Variants in COL22A1 observed in about 807,000 individuals in gnomAD.
COL22A1 encodes collagen alpha-1(XXII) chain.
A neutral mutation model predicts 248.9 loss-of-function variants in COL22A1; 221 were observed. The observed-to-expected ratio is 0.89, with a 90% CI of 0.80 to 0.99. COL22A1 has a LOEUF of 0.99. Ranked by LOEUF, COL22A1 falls within the 50% of genes least tolerant of loss-of-function variation. The probability of loss-of-function intolerance (pLI) is 0.00; values close to 1 mark genes in which losing one functional copy is unlikely to be tolerated. For missense variants in COL22A1, 2,240 were observed against 2,179.0 expected (o/e 1.03, Z -0.56); for synonymous variants, 891 against 793.4 (o/e 1.12, Z -2.07).
chr8:138,892,503 C>T (rs1825137537), intron 1 of COL22A1, among the ~76,000 whole-genome samples: 1 of 152,170 alleles, frequency 6.6e-6, no homozygotes, highest in Admixed American at 6.5e-5. Flanking sequence ...GGTTGCAGCC[C>T]CAGCAAGCAT....
intron 31 of COL22A1, among the ~76,000 whole-genome samples, chr8:138,700,675 AC>A (rs1827881210): frequency 1.3e-5 from 2 of 151,928 alleles, no homozygotes; most frequent in Admixed American, 1.3e-4. Flanking sequence ...CAGCCTGGCC[AC>A]CCCCACCTAG....
chr8:138,720,362 C>T (rs1829776774), intron 27 of COL22A1, among the ~76,000 whole-genome samples: 1 of 152,140 alleles, frequency 6.6e-6, no homozygotes, highest in Non-Finnish European at 1.5e-5. Context: ...TCCTCTCACT[C>T]CCTCCCTGCC....
chr8:138,836,372 C>G (rs967621297), intron 4 of COL22A1, among the ~76,000 whole-genome samples: 4 of 152,262 alleles, frequency 2.6e-5, no homozygotes, highest in Non-Finnish European at 5.9e-5. Context: ...TGGCCCTGCA[C>G]AGTGTCTGCC....
chr8:138,872,617 C>T (rs975661096), intron 3 of COL22A1, among the ~76,000 whole-genome samples: 2 of 152,198 alleles, frequency 1.3e-5, no homozygotes, highest in East Asian at 1.9e-4. Flanking sequence ...ATAGCTGATG[C>T]TCCGGGGCTG....
At chr8:138,877,513 C>G (rs756043113) in intron 3 of COL22A1, among the ~76,000 whole-genome samples, 1 of 152,168 alleles carries the variant, frequency 6.6e-6, no homozygotes, top group Non-Finnish European at 1.5e-5. Context: ...CGACCTCTGC[C>G]TCTGGATGGG....
Position 138,598,795 on chromosome 8 carries a change from G to A in COL22A1, c.4289C>T (p.Pro1430Leu), listed in dbSNP as rs141513834. ...GHKGHTGLMG[P>L]QGLPGENGPV... Reference sequence around the variant, plus strand: ...TCCATTCTCCCCAGGTAGTCCTTGGGGACCCATCAGGCCTGTGTGGCCTTT... The same window carrying A: ...TCCATTCTCCCCAGGTAGTCCTTGGAGACCCATCAGGCCTGTGTGGCCTTT... The change falls in exon 61 of 65, where the codon CCC becomes CTC. Residue 1430 changes from proline to leucine, a missense_variant. Pro to Leu is a moderately conservative substitution (Grantham distance 98). Coordinates refer to ENST00000303045, the MANE Select transcript of COL22A1 (RefSeq NM_152888.3). The A allele has an allele frequency of 7.5e-5, 121 of 1,614,020 alleles. No individual in the cohort carries two copies. The highest frequency in any genetic ancestry group is 8.7e-5 in the Non-Finnish European group (103 of 1,180,038).
At chr8:138,757,332 G>C (rs895160982) in intron 18 of COL22A1, among the ~76,000 whole-genome samples, 1 of 151,916 alleles carries the variant, frequency 6.6e-6, no homozygotes, top group East Asian at 1.9e-4. Context: ...GTGTGTGGAG[G>C]GAGAGAGAGA....
At chr8:138,780,244 C>T (rs1814841756) in intron 13 of COL22A1, among the ~76,000 whole-genome samples, 1 of 152,190 alleles carries the variant, frequency 6.6e-6, no homozygotes, top group Non-Finnish European at 1.5e-5. Flanking sequence ...TCCCCTTTCT[C>T]CCTTGTCTCC....
At chr8:138,658,853 G>A (rs1279060281) in intron 44 of COL22A1, among the ~76,000 whole-genome samples, 3 of 138,246 alleles carry the variant, frequency 2.2e-5, no homozygotes, top group Non-Finnish European at 4.6e-5. Flanking sequence ...AGTATGTTCA[G>A]TTAATCTAAC....
chr8:138,756,876 A>G (rs1183688518), intron 18 of COL22A1, among the ~76,000 whole-genome samples: 1 of 152,174 alleles, frequency 6.6e-6, no homozygotes, highest in African/African-American at 2.4e-5. Flanking sequence ...CACAGCATCA[A>G]GTGTTTTTCT....
chr8:138,630,401 A>C (rs1018520140), intron 50 of COL22A1, among the ~76,000 whole-genome samples: 3 of 152,184 alleles, frequency 2.0e-5, no homozygotes, highest in Non-Finnish European at 2.9e-5. Flanking sequence ...CAAGAAATTG[A>C]GATATGGGGC....
At chr8:138,866,692 T>A (rs1056522793) in intron 3 of COL22A1, among the ~76,000 whole-genome samples, 1 of 152,252 alleles carries the variant, frequency 6.6e-6, no homozygotes, top group Non-Finnish European at 1.5e-5. Context: ...CAAGGCCCCA[T>A]GGCCAGGCAG....
chr8:138,669,376 G>A (rs1824813873), intron 41 of COL22A1, among the ~76,000 whole-genome samples: 1 of 152,308 alleles, frequency 6.6e-6, no homozygotes, highest in South Asian at 2.1e-4. Context: ...GCCGGTCAGG[G>A]CAGTGTCTGG....
chr8:138,851,653 G>T (rs1399402744), intron 3 of COL22A1, among the ~76,000 whole-genome samples: 1 of 152,176 alleles, frequency 6.6e-6, no homozygotes, highest in Non-Finnish European at 1.5e-5. Context: ...GGAGAGGATG[G>T]GGAGGAGATG....
At chr8:138,732,711 A>G (rs1399907906) in intron 23 of COL22A1, among the ~76,000 whole-genome samples, 1 of 152,270 alleles carries the variant, frequency 6.6e-6, no homozygotes, top group African/African-American at 2.4e-5. Flanking sequence ...TAATGAAAAC[A>G]AGTAATTAAC....
At chr8:138,620,976 T>A (rs1050326684) in intron 52 of COL22A1, among the ~76,000 whole-genome samples, 1 of 119,412 alleles carries the variant, frequency 8.4e-6, no homozygotes, top group Non-Finnish European at 1.9e-5. Flanking sequence ...CATCCATCCA[T>A]CCATCCATCC....
chr8:138,878,339 G>A, intron 2 of COL22A1, 23 bp from the exon 3 acceptor site: 1 of 1,491,288 alleles, frequency 6.7e-7, no homozygotes, highest in Non-Finnish European at 9.0e-7. Context: ...GAGAAGGGGT[G>A]GCGTAGGGCA....
chr8:138,718,497 C>T (rs764465151), intron 27 of COL22A1, among the ~76,000 whole-genome samples: 2 of 152,192 alleles, frequency 1.3e-5, no homozygotes, highest in Non-Finnish European at 2.9e-5. Flanking sequence ...GAAACGGTAT[C>T]TTCTTGAATT....
chr8:138,589,467 AG>A, intron 64 of COL22A1, 27 bp from the exon 65 acceptor site: 1 of 1,476,578 alleles, frequency 6.8e-7, no homozygotes. Flanking sequence ...AAGAAACAGA[AG>A]GTGGTTCAAG....
Sources: allele counts gnomAD v4.1 joint callset (sites outside exome capture counted in the v4.1 genomes callset), GRCh38; gene constraint gnomAD v4.1.1; transcripts MANE v1.5; gene names NCBI Gene and HGNC (gene_info 2026-07-23, HGNC 2026-07-21).